Variants in MYO16 observed in about 807,000 individuals in gnomAD.
MYO16 encodes the protein unconventional myosin-XVI.
In MYO16, 94 loss-of-function variants were observed where a neutral mutation model predicts 205.3. The observed-to-expected ratio is 0.46, with a 90% confidence interval of 0.39 to 0.54. The LOEUF is 0.54. Ranked by LOEUF, MYO16 falls within the 20% of genes least tolerant of loss-of-function variation. The probability of loss-of-function intolerance (pLI) is 0.00; values close to 1 mark genes in which losing one functional copy is unlikely to be tolerated. For synonymous variants in MYO16, 988 were observed against 954.0 expected, an observed-to-expected ratio of 1.04 and a Z score of -0.66; for missense variants, 2,315 against 2,387.5, an observed-to-expected ratio of 0.97 and a Z score of 0.63.
chr13:108,778,178 A>C (rs1281753090), intron 4 of MYO16, among the ~76,000 whole-genome samples: 2 of 152,194 alleles, frequency 1.3e-5, no homozygotes, highest in Non-Finnish European at 2.9e-5. Context: ...GTGGGACTAG[A>C]AGAAAATAAG....
intron 9 of MYO16, among the ~76,000 whole-genome samples, chr13:108,825,724 T>C (rs1263467561): frequency 6.6e-6 from 1 of 151,982 alleles, no homozygotes; most frequent in Non-Finnish European, 1.5e-5. Context: ...ACTAAGAATA[T>C]AGTTCAAGAG....
At chr13:109,177,499 GTATTTATT>G (rs540959982) in intron 33 of MYO16, among the ~76,000 whole-genome samples, 3 of 151,822 alleles carry the variant, frequency 2.0e-5, no homozygotes, top group African/African-American at 7.3e-5. Context: ...CTAATTTTAT[GTATTTATT>G]TATTTATTTA....
At chr13:109,097,130 G>A (rs1288057684) in intron 27 of MYO16, among the ~76,000 whole-genome samples, 1 of 152,214 alleles carries the variant, frequency 6.6e-6, no homozygotes, top group African/African-American at 2.4e-5. Context: ...AGCAGTTCGA[G>A]ACTAGCCTGG....
chr13:108,862,532 C>T (rs933926688), intron 11 of MYO16, among the ~76,000 whole-genome samples: 1 of 152,152 alleles, frequency 6.6e-6, no homozygotes. Flanking sequence ...TTGTCCTAAA[C>T]AGGTGACCCC....
intron 33 of MYO16, chr13:109,167,236 G>A (rs968882863): frequency 6.6e-6 from 1 of 152,244 alleles, no homozygotes; most frequent in African/African-American, 2.4e-5. Context: ...TCAATGGGTG[G>A]GGAGTCCGTG....
chr13:109,195,081 T>C (rs113848465), intron 34 of MYO16, among the ~76,000 whole-genome samples: 5,546 of 152,060 alleles, frequency 0.036, 150 homozygotes, highest in South Asian at 0.069. Context: ...ACTAAGTGTG[T>C]TCCAGTATAA....
intron 2 of MYO16, among the ~76,000 whole-genome samples, chr13:108,679,972 T>C (rs994829732): frequency 6.6e-6 from 1 of 152,116 alleles, no homozygotes. Context: ...CTTTGTATGT[T>C]CTAGTCCCAA....
chr13:109,029,112 C>CTTTTTTTTTTTTTTTT (rs200871485), intron 23 of MYO16, among the ~76,000 whole-genome samples: 3 of 98,406 alleles, frequency 3.0e-5, no homozygotes, highest in African/African-American at 1.2e-4. Context: ...TTTTTCTTTT[C>CTTTTTTTTTTTTTTTT]TTTTTTTTTT....
At chr13:108,566,158 G>A in the MYO16 span, among the ~76,000 whole-genome samples, 1 of 151,982 alleles carries the variant, frequency 6.6e-6, no homozygotes, top group Non-Finnish European at 1.5e-5. Flanking sequence ...CAGGTCCTGG[G>A]CTTTTCTTTA....
chr13:109,120,563 C>T (rs574749609), intron 29 of MYO16, 97 bp downstream of exon 29: 3 of 749,412 alleles, frequency 4.0e-6, no homozygotes, highest in Non-Finnish European at 6.3e-6. Context: ...GGGGTCTGCA[C>T]CCTAGTGGAC....
At chr13:108,585,499 T>C in the MYO16 span, among the ~76,000 whole-genome samples, 1 of 152,238 alleles carries the variant, frequency 6.6e-6, no homozygotes, top group East Asian at 1.9e-4. Flanking sequence ...AGGTTGTAAA[T>C]TGTTTCTTAT....
the MYO16 span, among the ~76,000 whole-genome samples, chr13:108,565,277 G>A: frequency 5.9e-5 from 9 of 152,158 alleles, no homozygotes; most frequent in Middle Eastern, 6.8e-3. Flanking sequence ...CAGTAGTAGG[G>A]ACATTTTAAC....
the MYO16 span, among the ~76,000 whole-genome samples, chr13:108,564,171 T>TC: frequency 7.5e-6 from 1 of 132,958 alleles, no homozygotes; most frequent in African/African-American, 2.8e-5. Context: ...TCTATTGCCT[T>TC]CTTTTTTTTT....
At chr13:108,842,415 TA>T (rs199559424) in intron 9 of MYO16, among the ~76,000 whole-genome samples, 10 of 151,318 alleles carry the variant, frequency 6.6e-5, no homozygotes, top group South Asian at 2.1e-4. Context: ...CAGCTCACTG[TA>T]AAAAAAAACC....
intron 1 of MYO16, among the ~76,000 whole-genome samples, chr13:108,664,974 C>A (rs1881661003): frequency 6.6e-6 from 1 of 152,176 alleles, no homozygotes; most frequent in Non-Finnish European, 1.5e-5. Flanking sequence ...TCTGTGCCAA[C>A]CCTCAGTCTT....
chr13:108,951,787 G>GA (rs1300327184), intron 16 of MYO16, among the ~76,000 whole-genome samples: 2 of 152,110 alleles, frequency 1.3e-5, no homozygotes, highest in African/African-American at 4.8e-5. Context: ...TTAAGATCAA[G>GA]ACACCTCTTC....
intron 22 of MYO16, among the ~76,000 whole-genome samples, chr13:109,018,970 T>TG (rs996449099): frequency 2.7e-5 from 4 of 150,064 alleles, no homozygotes; most frequent in South Asian, 2.1e-4. Flanking sequence ...CTGTTTTTTT[T>TG]TTTGTTTTTT....
intron 21 of MYO16, among the ~76,000 whole-genome samples, chr13:109,007,280 C>T (rs1037132525): frequency 1.1e-4 from 17 of 151,656 alleles, no homozygotes; most frequent in Admixed American, 2.0e-4. Context: ...CCCAGCTACT[C>T]GGGAGGCTGA....
At chr13:109,102,993 TGTCTA>T (rs1889018351) in intron 28 of MYO16, among the ~76,000 whole-genome samples, 2 of 152,176 alleles carry the variant, frequency 1.3e-5, no homozygotes, top group Admixed American at 6.5e-5. Context: ...AGTTCCCTGT[TGTCTA>T]GTCAGAAAAG....
Sources: gnomAD v4.1 joint callset for allele counts (sites outside exome capture counted in the v4.1 genomes callset) on GRCh38, gnomAD v4.1.1 for gene constraint, MANE v1.5 for transcripts, NCBI Gene and HGNC (gene_info 2026-07-23, HGNC 2026-07-21) for gene names.